P3H2: variants seen among roughly 807,000 people sequenced by gnomAD.
P3H2 encodes the protein prolyl 3-hydroxylase 2.
A neutral mutation model predicts 87.0 loss-of-function variants in P3H2; 80 were observed. That is an observed-to-expected ratio of 0.92 (90% CI 0.77 to 1.11). The LOEUF (loss-of-function observed/expected upper bound fraction) is 1.11, where lower values mean the gene tolerates loss of function less well. Among genes scored for constraint, P3H2 ranks in the 50% least tolerant of loss-of-function variants. The pLI, the probability that P3H2 is intolerant of heterozygous loss-of-function variation, is 0.00. For synonymous variants in P3H2, 367 were observed against 359.3 expected (o/e 1.02, Z -0.24); for missense variants, 1,001 against 923.9 (o/e 1.08, Z -1.08).
rs111761324 is a variant in P3H2, at chr3:190,098,481, A to T, written c.480+21771T>A. ...TAATAGATGATAGATAGCCCATTAG[A>T]AAAATGATAATGATAGCACCAATAA... On this transcript the variant is annotated intron_variant, in intron 1 of 14. Transcript: ENST00000319332. Among the ~76,000 whole-genome samples the T allele has an allele frequency of 6.1e-3, 922 of 152,316 alleles. 5 individuals are homozygous for T. The highest frequency in any genetic ancestry group is 0.022 in the African/African-American group (895 of 41,566).
At position 189,974,593 on chromosome 3, in the gene P3H2, C is replaced by T. The variant is rs140117066; in HGVS notation, c.1417G>A (p.Glu473Lys). 1.3e-4 allele frequency: 215 copies of T among 1,614,022 alleles called. No individual in the cohort carries two copies. The highest frequency in any genetic ancestry group is 1.7e-4 in the Non-Finnish European group (201 of 1,180,048). Residue 473 changes from glutamate (E) to lysine (K), a missense_variant, in exon 9 of 15, where the codon GAA (glutamate) becomes AAA (lysine). Glu to Lys is a moderately conservative substitution (Grantham distance 56). Transcript: ENST00000319332. Reference protein sequence around the residue: ...QRVLLDNVLSEEQCRELHSVA... With the variant: ...QRVLLDNVLSKEQCRELHSVA... ...CTGTGGAGCTCCCGGCACTGTTCTTCCGACAGGACGTTATCCAGGAGAACC... is the reference window on the plus strand; with the variant it reads ...CTGTGGAGCTCCCGGCACTGTTCTTTCGACAGGACGTTATCCAGGAGAACC...
chr3:190,061,073 T>C (rs917058979), intron 1 of P3H2, among the ~76,000 whole-genome samples: 8 of 152,112 alleles, frequency 5.3e-5, no homozygotes, highest in Non-Finnish European at 8.8e-5. Context: ...CATTCTTCAC[T>C]AAAGGGCTCT....
chr3:190,075,384 C>A (rs1454545878), intron 1 of P3H2, among the ~76,000 whole-genome samples: 1 of 151,362 alleles, frequency 6.6e-6, no homozygotes, highest in Non-Finnish European at 1.5e-5. Flanking sequence ...ACTCGGGAGG[C>A]TGAGGTAGGA....
Position 189,957,206 on chromosome 3 carries a change from T to A in P3H2, c.*706A>T. 2.5e-6 allele frequency: 1 copy of A among 398,908 alleles called. No homozygotes were observed. The highest frequency in any genetic ancestry group is 4.4e-6 in the Non-Finnish European group (1 of 226,342). The allele number at this position is 398,908 out of a possible 1,614,324, so 24.7% of individuals were successfully genotyped here. On this transcript the variant is annotated 3_prime_UTR_variant, in exon 15 of 15. Transcript: ENST00000319332. ...GCCTGGGTGATCATTACGCCCATGA[T>A]ACCTGAGGCAGCGTGGACTCTGCCA... is the stretch of plus-strand genomic sequence containing the variant.
chr3:190,066,158 T>TATATATATATACACACACACACAC (rs1256956930), intron 1 of P3H2, among the ~76,000 whole-genome samples: 7 of 134,620 alleles, frequency 5.2e-5, no homozygotes, highest in African/African-American at 2.2e-4. Context: ...TATATATATA[T>TATATATATATACACACACACACAC]ACACACACAC....
chr3:190,034,830 C>T (rs1011786731), intron 1 of P3H2, among the ~76,000 whole-genome samples: 4 of 147,166 alleles, frequency 2.7e-5, no homozygotes, highest in Admixed American at 2.1e-4. Flanking sequence ...CTGGCCAAAT[C>T]GCTTTTTCTT....
chr3:190,068,000 TATG>T (rs1325830144), intron 1 of P3H2, among the ~76,000 whole-genome samples: 3 of 152,122 alleles, frequency 2.0e-5, no homozygotes, highest in Admixed American at 1.3e-4. Flanking sequence ...AGATTTTTCA[TATG>T]ATAACAATAA....
At chr3:190,087,290 A>G (rs1490939223) in intron 1 of P3H2, among the ~76,000 whole-genome samples, 1 of 152,124 alleles carries the variant, frequency 6.6e-6, no homozygotes, top group Non-Finnish European at 1.5e-5. Context: ...TAATCCCAGC[A>G]CTTTGGGAGG....
chr3:190,033,214 C>T (rs1725313026), intron 1 of P3H2, among the ~76,000 whole-genome samples: 1 of 152,212 alleles, frequency 6.6e-6, no homozygotes, highest in South Asian at 2.1e-4. Flanking sequence ...GTCGCTTGCT[C>T]ACCTGCCGCT....
intron 10 of P3H2, among the ~76,000 whole-genome samples, chr3:189,973,429 A>G (rs1338495482): frequency 2.0e-5 from 3 of 151,696 alleles, no homozygotes; most frequent in East Asian, 3.9e-4. Flanking sequence ...ATTAACTACA[A>G]TGAAGGTTTC....
chr3:190,003,178 A>G (rs894802612), intron 1 of P3H2, among the ~76,000 whole-genome samples: 1 of 152,136 alleles, frequency 6.6e-6, no homozygotes, highest in African/African-American at 2.4e-5. Flanking sequence ...TCTTTTGCCA[A>G]ACTGCTTATG....
In P3H2 at chr3:189,983,034, A is replaced by G. The variant is rs1723584573; in HGVS notation, c.1324+12T>C. On this transcript the variant is annotated intron_variant, in intron 8 of 14. Coordinates refer to ENST00000319332, the MANE Select transcript of P3H2 (RefSeq NM_018192.4). ...CCCCTCCTTTATAGGGTAAAAGTGC[A>G]CAGCTACTTACCTTCTCTTAGGTCT... is the stretch of plus-strand genomic sequence containing the variant. 2 of 1,600,566 alleles carry G rather than the reference A, an allele frequency of 1.2e-6. No homozygotes were observed. Among genetic ancestry groups the G allele is most frequent in the South Asian group, 2.2e-5 (2 of 90,816 alleles).
At chr3:190,006,482 G>T (rs1180092944) in intron 1 of P3H2, among the ~76,000 whole-genome samples, 1 of 152,214 alleles carries the variant, frequency 6.6e-6, no homozygotes, top group Non-Finnish European at 1.5e-5. Flanking sequence ...TCATAGAACT[G>T]TGATAGATGA....
intron 1 of P3H2, chr3:190,116,566 G>C (rs1712295308): frequency 6.6e-6 from 1 of 152,286 alleles, no homozygotes; most frequent in Admixed American, 6.5e-5. Flanking sequence ...ATAAGACAAA[G>C]CACTCATTGT....
intron 1 of P3H2, among the ~76,000 whole-genome samples, chr3:190,047,774 A>G (rs1560378190): frequency 6.6e-6 from 1 of 152,176 alleles, no homozygotes; most frequent in East Asian, 1.9e-4. Flanking sequence ...AGAGGCTGGA[A>G]AGGGTAGTGG....
chr3:190,039,026 C>T (rs1352824792), intron 1 of P3H2, among the ~76,000 whole-genome samples: 1 of 152,008 alleles, frequency 6.6e-6, no homozygotes, highest in Non-Finnish European at 1.5e-5. Context: ...CCTGTCTCTA[C>T]TAAAAATACA....
chr3:190,120,493 A>G lies in P3H2; in HGVS notation c.239T>C (p.Ile80Thr). The change falls in exon 1 of 15, where the codon ATC becomes ACC. Residue 80 changes from isoleucine to threonine, a missense_variant. Physicochemically the swap from Ile to Thr is moderately conservative, Grantham distance 89. Coordinates refer to ENST00000319332, the MANE Select transcript of P3H2 (RefSeq NM_018192.4). ...ALRSHRRLRE[I>T]RTRCARHCAA... ...GCAGTGGCGGGCACAGCGCGTGCGG[A>G]TTTCCCGCAGGCGCCGGTGGCTGCG... 6.9e-7 allele frequency: 1 copy of G among 1,455,110 alleles called. No homozygotes were observed. Among genetic ancestry groups the G allele is most frequent in the Non-Finnish European group, 9.0e-7 (1 of 1,110,458 alleles). 90.1% of individuals were successfully genotyped at this position (1,455,110 alleles called of 1,614,324 possible).
intron 13 of P3H2, among the ~76,000 whole-genome samples, chr3:189,965,445 G>GA (rs1170447954): frequency 6.6e-6 from 1 of 152,000 alleles, no homozygotes; most frequent in Admixed American, 6.6e-5. Flanking sequence ...GGGAAGAGCA[G>GA]AAAAAAAGCA....
At chr3:190,085,479 G>A (rs948644465) in intron 1 of P3H2, among the ~76,000 whole-genome samples, 2 of 152,220 alleles carry the variant, frequency 1.3e-5, no homozygotes, top group Non-Finnish European at 2.9e-5. Context: ...TGCTTGACAT[G>A]TGCTTGCACA....
Sources: allele counts gnomAD v4.1 joint callset (sites outside exome capture counted in the v4.1 genomes callset), GRCh38; gene constraint gnomAD v4.1.1; transcripts MANE v1.5; gene names NCBI Gene and HGNC (gene_info 2026-07-23, HGNC 2026-07-21).